The following PABPC4L variants were observed in gnomAD, a reference collection of about 807,000 sequenced individuals.
PABPC4L encodes the protein polyadenylate-binding protein 4-like.
For missense variants in PABPC4L, 452 were observed against 451.4 expected (o/e 1.00, Z -0.01); for synonymous variants, 169 against 164.1 (o/e 1.03, Z -0.23).
At chr4:134,053,476 T>C in the PABPC4L span, among the ~76,000 whole-genome samples, 4 of 152,070 alleles carry the variant, frequency 2.6e-5, no homozygotes, top group Admixed American at 1.3e-4. Context: ...GCCAAGCCCA[T>C]TGTAATAACC....
the PABPC4L span, among the ~76,000 whole-genome samples, chr4:133,980,614 AC>A: frequency 4.6e-5 from 7 of 152,140 alleles, no homozygotes; most frequent in Non-Finnish European, 1.5e-5. Context: ...CATGTTGGTC[AC>A]CCCATTTTAT....
At chr4:134,062,930 A>G in the PABPC4L span, among the ~76,000 whole-genome samples, 1 of 152,114 alleles carries the variant, frequency 6.6e-6, no homozygotes, top group Non-Finnish European at 1.5e-5. Flanking sequence ...GCATTTCACC[A>G]CAATGTTAAT....
the PABPC4L span, among the ~76,000 whole-genome samples, chr4:134,125,394 G>A: frequency 6.6e-6 from 1 of 151,864 alleles, no homozygotes; most frequent in Admixed American, 6.6e-5. Context: ...CATGTGCCAT[G>A]CTGTTGTGTT....
At chr4:133,952,929 G>A in the PABPC4L span, among the ~76,000 whole-genome samples, 5 of 152,244 alleles carry the variant, frequency 3.3e-5, no homozygotes, top group East Asian at 7.7e-4. Context: ...CCCCGATACT[G>A]TTAACTTTTC....
the PABPC4L span, among the ~76,000 whole-genome samples, chr4:134,021,617 G>T: frequency 1.3e-5 from 2 of 152,070 alleles, no homozygotes; most frequent in Non-Finnish European, 2.9e-5. Flanking sequence ...AGGACACAGA[G>T]GTGTCTAGTT....
chr4:133,953,780 A>C, the PABPC4L span, among the ~76,000 whole-genome samples: 1 of 152,202 alleles, frequency 6.6e-6, no homozygotes, highest in African/African-American at 2.4e-5. Flanking sequence ...TCTCTCTCCC[A>C]AATGATCATG....
At chr4:134,094,118 G>A in the PABPC4L span, among the ~76,000 whole-genome samples, 1 of 151,652 alleles carries the variant, frequency 6.6e-6, no homozygotes, top group Non-Finnish European at 1.5e-5. Flanking sequence ...TGATTTTACT[G>A]GTAATTATTT....
At chr4:133,969,448 T>G in the PABPC4L span, among the ~76,000 whole-genome samples, 1 of 152,180 alleles carries the variant, frequency 6.6e-6, no homozygotes, top group African/African-American at 2.4e-5. Context: ...TAGGCTGAAT[T>G]TCATCTCCCA....
At chr4:134,089,236 A>C in the PABPC4L span, among the ~76,000 whole-genome samples, 1 of 152,060 alleles carries the variant, frequency 6.6e-6, no homozygotes, top group Non-Finnish European at 1.5e-5. Flanking sequence ...CTATTCTTTC[A>C]ATTTTTTAGT....
chr4:134,075,419 AAATT>A, the PABPC4L span, among the ~76,000 whole-genome samples: 7 of 152,164 alleles, frequency 4.6e-5, no homozygotes, highest in African/African-American at 1.2e-4. Context: ...GTAAATAAAT[AAATT>A]AATTAATTAA....
At chr4:134,127,951 G>A in the PABPC4L span, among the ~76,000 whole-genome samples, 5 of 151,940 alleles carry the variant, frequency 3.3e-5, no homozygotes, top group African/African-American at 4.8e-5. Flanking sequence ...GAAATAAATA[G>A]CATGAATAAA....
Position 134,200,613 on chromosome 4 carries a change from G to GA in PABPC4L, c.406dup (p.Ser136PhefsTer20). 6.4e-7 allele frequency: 1 copy of GA among 1,551,632 alleles called. No individual in the cohort carries two copies. Among genetic ancestry groups the GA allele is most frequent in the East Asian group, 2.4e-5 (1 of 40,910 alleles). On this transcript the variant is annotated frameshift_variant, in exon 2 of 2. Transcript: ENST00000421491. LOFTEE classifies it low-confidence loss of function (END_TRUNC). Reference sequence around the variant, plus strand: ...AAAGTGCACAAATGCATAGCCCTTGGAGCCTTGATCATCACTCATCACCTT... The same window carrying GA: ...AAAGTGCACAAATGCATAGCCCTTGGAAGCCTTGATCATCACTCATCACCTT...
the PABPC4L span, among the ~76,000 whole-genome samples, chr4:134,156,690 A>T: frequency 6.6e-6 from 1 of 151,888 alleles, no homozygotes; most frequent in African/African-American, 2.4e-5. Flanking sequence ...CTATATATAA[A>T]TCTTAAATAT....
the PABPC4L span, among the ~76,000 whole-genome samples, chr4:134,027,575 A>G: frequency 3.3e-5 from 5 of 152,182 alleles, no homozygotes; most frequent in Non-Finnish European, 5.9e-5. Context: ...ACTGATTTCC[A>G]ATCTTTTGGG....
the PABPC4L span, among the ~76,000 whole-genome samples, chr4:134,038,169 A>G: frequency 6.6e-6 from 1 of 152,138 alleles, no homozygotes; most frequent in East Asian, 1.9e-4. Flanking sequence ...CCAGGGATGA[A>G]GCCGACTTGA....
At chr4:134,074,540 T>C in the PABPC4L span, among the ~76,000 whole-genome samples, 1 of 152,180 alleles carries the variant, frequency 6.6e-6, no homozygotes, top group Non-Finnish European at 1.5e-5. Flanking sequence ...TGTTACCCAG[T>C]TCCAAAGTCG....
the PABPC4L span, among the ~76,000 whole-genome samples, chr4:134,027,795 A>G: frequency 6.6e-6 from 1 of 152,174 alleles, no homozygotes; most frequent in Non-Finnish European, 1.5e-5. Context: ...TTGTCAATTT[A>G]CAATCTTTAG....
chr4:134,137,934 C>A, the PABPC4L span, among the ~76,000 whole-genome samples: 1 of 151,714 alleles, frequency 6.6e-6, no homozygotes, highest in Admixed American at 6.6e-5. Context: ...ACTCACTTAA[C>A]AAGGGACAGA....
At chr4:134,027,441 T>C in the PABPC4L span, among the ~76,000 whole-genome samples, 1 of 152,152 alleles carries the variant, frequency 6.6e-6, no homozygotes, top group Admixed American at 6.6e-5. Flanking sequence ...CAGTATTCCA[T>C]TGTGTATATA....
Sources: allele counts gnomAD v4.1 joint callset (sites outside exome capture counted in the v4.1 genomes callset), GRCh38; gene constraint gnomAD v4.1.1; transcripts MANE v1.5; gene names NCBI Gene and HGNC (gene_info 2026-07-23, HGNC 2026-07-21).